Variants in TUBB observed in about 807,000 individuals in gnomAD.
The protein encoded by TUBB is tubulin beta chain.
A neutral mutation model predicts 35.1 loss-of-function variants in TUBB; 2 were observed. That is an observed-to-expected ratio of 0.06 (90% CI 0.02 to 0.18). The LOEUF is 0.18. Ranked by LOEUF, TUBB falls within the 10% of genes least tolerant of loss-of-function variation. The probability of loss-of-function intolerance (pLI) is 1.00; values close to 1 mark genes in which losing one functional copy is unlikely to be tolerated. For missense variants in TUBB, 50 were observed against 599.4 expected, an observed-to-expected ratio of 0.08 and a Z score of 9.57; for synonymous variants, 205 against 223.8, an observed-to-expected ratio of 0.92 and a Z score of 0.75.
intron 1 of TUBB, chr6:30,721,666 G>GT: frequency 2.0e-6 from 2 of 985,488 alleles, no homozygotes; most frequent in Non-Finnish European, 2.4e-6. Context: ...GCGCCGCGCG[G>GT]TGGGGCGGTG....
Position 30,721,752 on chromosome 6 carries a change from C to A in TUBB, c.58-785C>A, listed in dbSNP as rs932733065. On this transcript the variant is annotated intron_variant, in intron 1 of 3. Coordinates refer to ENST00000327892, the MANE Select transcript of TUBB (RefSeq NM_178014.4). ...ATCCGCCCACCGAGCACTTGGGACCCGCTGCACATATCCAGAGCAGGGAAA... is the reference window on the plus strand; with the variant it reads ...ATCCGCCCACCGAGCACTTGGGACCAGCTGCACATATCCAGAGCAGGGAAA... 8.1e-6 allele frequency: 8 copies of A among 985,038 alleles called. No individual in the cohort carries two copies. The African/African-American group carries it at 1.4e-4, about 17-fold the overall frequency. 61.0% of individuals were successfully genotyped at this position (985,038 alleles called of 1,614,324 possible).
intron 2 of TUBB, 22 bp from the exon 3 acceptor site, chr6:30,722,896 C>T (rs1346333179): frequency 6.3e-7 from 1 of 1,590,142 alleles, no homozygotes; most frequent in Non-Finnish European, 8.6e-7. Flanking sequence ...GATTTCACAG[C>T]TCTTAACTTT....
Position 30,724,955 on chromosome 6 carries a change from C to A in TUBB, c.*558C>A, listed in dbSNP as rs1340677065. ...GTGTCAGCAGTATTATCTCCACTTT[C>A]AATCTCCCTCCAAGCTCTACTCTGG... On this transcript the variant is annotated 3_prime_UTR_variant, in exon 4 of 4. Transcript: ENST00000327892. The surrounding 1 kb of genome is among the most constrained non-coding windows in gnomAD (Gnocchi z 4.4). 6.5e-6 allele frequency: 1 copy of A among 153,522 alleles called. No homozygotes were observed. The highest frequency in any genetic ancestry group is 1.9e-4 in the East Asian group (1 of 5,152). 9.5% of individuals were successfully genotyped at this position (153,522 alleles called of 1,614,324 possible). A position where few individuals can be genotyped will look rare whatever the true frequency, so the allele number is the denominator to read the frequency against.
intron 3 of TUBB, 70 bp downstream of exon 3, chr6:30,723,098 G>C: frequency 7.8e-7 from 1 of 1,278,988 alleles, no homozygotes; most frequent in Non-Finnish European, 1.1e-6. Flanking sequence ...CAAGGACACA[G>C]CAAAAGTTAG....
chr6:30,721,746 G>A, intron 1 of TUBB: 1 of 985,336 alleles, frequency 1.0e-6, no homozygotes, highest in Non-Finnish European at 1.2e-6. Context: ...CCGAGCACTT[G>A]GGACCCGCTG....
chr6:30,721,505 C>T, intron 1 of TUBB: 3 of 972,118 alleles, frequency 3.1e-6, no homozygotes, highest in Non-Finnish European at 3.7e-6. Context: ...TGGGCCCCGC[C>T]CCTCGCGCGC....
intron 3 of TUBB, 35 bp from the exon 4 acceptor site, chr6:30,723,305 C>T: frequency 6.7e-7 from 1 of 1,503,148 alleles, no homozygotes; most frequent in Non-Finnish European, 9.1e-7. Context: ...CTTCCATACC[C>T]TGTTAATTGA....
Position 30,725,356 on chromosome 6 carries a change from C to T in TUBB, c.*959C>T, listed in dbSNP as rs1776596835. 1.3e-5 allele frequency: 2 copies of T among 152,798 alleles called. No individual in the cohort carries two copies. Among genetic ancestry groups the T allele is most frequent in the Non-Finnish European group, 2.9e-5 (2 of 68,546 alleles). 9.5% of individuals were successfully genotyped at this position (152,798 alleles called of 1,614,324 possible). ...AGATTTCTATTTTATGTTGAACTTG[C>T]TGCTTTTTTTCATATTGAAAAGATG... On this transcript the variant is annotated 3_prime_UTR_variant, in exon 4 of 4. Coordinates refer to ENST00000327892, the MANE Select transcript of TUBB (RefSeq NM_178014.4).
intron 2 of TUBB, 52 bp from the exon 3 acceptor site, chr6:30,722,866 A>G: frequency 6.7e-7 from 1 of 1,492,262 alleles, no homozygotes; most frequent in Non-Finnish European, 9.3e-7. Context: ...CAGTATATCT[A>G]TAAACCTTCC....
chr6:30,723,782 C>T lies in TUBB; in HGVS notation c.720C>T (p.Leu240=), dbSNP rs1479583124. 2 of 1,614,210 alleles carry T rather than the reference C, an allele frequency of 1.2e-6. No homozygotes were observed. Among genetic ancestry groups the T allele is most frequent in the South Asian group, 1.1e-5 (1 of 91,086 alleles). The part of the protein sequence containing the change: ...SATMSGVTTC[L]RFPGQLNADL... ...CCATGAGTGGTGTCACCACCTGCCTCCGTTTCCCTGGCCAGCTCAATGCTG... is the reference window on the plus strand; with the variant it reads ...CCATGAGTGGTGTCACCACCTGCCTTCGTTTCCCTGGCCAGCTCAATGCTG... The change falls in exon 4 of 4, where the codon CTC becomes CTT. Residue 240 remains leucine, a synonymous_variant. Coordinates refer to ENST00000327892, the MANE Select transcript of TUBB (RefSeq NM_178014.4).
intron 1 of TUBB, chr6:30,721,428 C>T (rs1392148245): frequency 2.9e-6 from 1 of 349,334 alleles, no homozygotes; most frequent in Non-Finnish European, 4.0e-6. Flanking sequence ...CCCTGCGGGG[C>T]GGGGCCGGGG....
At position 30,723,659 on chromosome 6, in the gene TUBB, C is replaced by T. The variant is rs1776438888; in HGVS notation, c.597C>T (p.Thr199=). 6.2e-7 allele frequency: 1 copy of T among 1,614,056 alleles called. No individual in the cohort carries two copies. Among genetic ancestry groups the T allele is most frequent in the African/African-American group, 1.3e-5 (1 of 74,934 alleles). Residue 199 remains threonine, a synonymous_variant, in exon 4 of 4, where the codon ACC becomes ACT. Coordinates refer to ENST00000327892, the MANE Select transcript of TUBB (RefSeq NM_178014.4). Reference sequence around the variant, plus strand: ...AGTTGGTAGAGAATACTGATGAGACCTATTGCATTGACAACGAGGCCCTCT... The same window carrying T: ...AGTTGGTAGAGAATACTGATGAGACTTATTGCATTGACAACGAGGCCCTCT... The part of the protein sequence containing the change: ...VHQLVENTDE[T]YCIDNEALYD...
intron 1 of TUBB, 103 bp from the exon 2 acceptor site, chr6:30,722,434 T>A: frequency 1.2e-6 from 1 of 807,188 alleles, no homozygotes; most frequent in Non-Finnish European, 2.0e-6. Context: ...AGAGCGAGAC[T>A]CCGTCTCAAA....
intron 1 of TUBB, chr6:30,722,152 A>C (rs1776319146): frequency 4.2e-6 from 1 of 236,956 alleles, no homozygotes; most frequent in South Asian, 4.7e-5. Flanking sequence ...CCCTGTCTTA[A>C]AAATTAGAAG....
rs1776131997 is a variant in TUBB, at chr6:30,720,391, C to T, written c.-116C>T. 4 of 999,956 alleles carry T rather than the reference C, an allele frequency of 4.0e-6. No homozygotes were observed. Among genetic ancestry groups the T allele is most frequent in the Admixed American group, 3.7e-5 (2 of 53,582 alleles). The allele number at this position is 999,956 out of a possible 1,614,324, so 61.9% of individuals were successfully genotyped here. The stretch of plus-strand genomic sequence containing the variant: ...CTGCCGTCGCGTTTGCACCTCGCTG[C>T]TCCAGCCTCTGGGGCGCATTCCAAC... On this transcript the variant is annotated 5_prime_UTR_variant, in exon 1 of 4. Transcript: ENST00000327892.
chr6:30,720,647 CCCGCT>C, intron 1 of TUBB, 84 bp downstream of exon 1: 1 of 1,232,884 alleles, frequency 8.1e-7, no homozygotes, highest in Non-Finnish European at 1.2e-6. Flanking sequence ...GGCATTTGCA[CCCGCT>C]ATCCTTAATC....
intron 1 of TUBB, chr6:30,721,816 G>A: frequency 1.0e-6 from 1 of 985,386 alleles, no homozygotes; most frequent in Non-Finnish European, 1.2e-6. Flanking sequence ...CTAGGGGAAG[G>A]GTGTGGCAGG....
chr6:30,723,779 C>T lies in TUBB; in HGVS notation c.717C>T (p.Cys239=), dbSNP rs767288667. The change falls in exon 4 of 4, where the codon TGC becomes TGT. Residue 239 remains cysteine, a synonymous_variant. Coordinates refer to ENST00000327892, the MANE Select transcript of TUBB (RefSeq NM_178014.4). ...VSATMSGVTT[C]LRFPGQLNAD... is the part of the protein sequence containing the mutation. ...CCACCATGAGTGGTGTCACCACCTG[C>T]CTCCGTTTCCCTGGCCAGCTCAATG... 7.4e-6 allele frequency: 12 copies of T among 1,614,096 alleles called. No homozygotes were observed. The African/African-American group carries it at 1.6e-4, about 22-fold the overall frequency.
rs558511726 is a variant in TUBB, at chr6:30,721,466, C to T, written c.57+903C>T. On this transcript the variant is annotated intron_variant, in intron 1 of 3. Transcript: ENST00000327892. ...CCGTGGGCGCGCGGGGACAATGCGG[C>T]GTTGCCCGCCGGCAGGGGCGCGCTA... The T allele has an allele frequency of 6.2e-5, 50 of 803,856 alleles. No individual in the cohort carries two copies. In the South Asian group the frequency reaches 2.5e-3, roughly 41 times the overall value. The allele number at this position is 803,856 out of a possible 1,614,324, so 49.8% of individuals were successfully genotyped here.
Sources: allele counts gnomAD v4.1 joint callset, GRCh38; gene constraint gnomAD v4.1.1; non-coding constraint Gnocchi (gnomAD v3.1); transcripts MANE v1.5; gene names NCBI Gene and HGNC (gene_info 2026-07-23, HGNC 2026-07-21).